The following IRF2 variants were observed in gnomAD, a reference collection of about 807,000 sequenced individuals.
IRF2 encodes the protein interferon regulatory factor 2.
IRF2 carries 15 observed loss-of-function variants against 40.6 expected under a neutral mutation model. The ratio of observed to expected loss-of-function variants is 0.37; its 90% confidence interval spans 0.25 to 0.57. The LOEUF is 0.57. Ranked by LOEUF, IRF2 falls within the 20% of genes least tolerant of loss-of-function variation. IRF2 has a pLI of 0.77. For synonymous variants in IRF2, 151 were observed against 165.5 expected (o/e 0.91, Z 0.67); for missense variants, 317 against 455.7 (o/e 0.70, Z 2.77).
intron 7 of IRF2, among the ~76,000 whole-genome samples, chr4:184,394,619 G>A (rs1460880941): frequency 6.6e-6 from 1 of 152,168 alleles, no homozygotes; most frequent in Non-Finnish European, 1.5e-5. Context: ...GATGGCTGCT[G>A]GTCAGCAGGC....
At chr4:184,457,843 A>G (rs957574017) in intron 1 of IRF2, among the ~76,000 whole-genome samples, 1 of 131,960 alleles carries the variant, frequency 7.6e-6, no homozygotes, top group Non-Finnish European at 1.7e-5. Context: ...ATCCTCAAAA[A>G]CCTTCCAAAA....
In IRF2 at chr4:184,458,967, AT is replaced by A. The variant is rs576699513; in HGVS notation, c.-7+15411del. On this transcript the variant is annotated intron_variant, in intron 1 of 8. Coordinates refer to ENST00000393593, the MANE Select transcript of IRF2 (RefSeq NM_002199.4). The stretch of plus-strand genomic sequence containing the variant: ...TTAACAGATCTGTTATTACGGCAAT[AT>A]TTTTTTTTCATCCACTCAGTAATAC... Among the ~76,000 whole-genome samples, 342 of 147,892 alleles carry A rather than the reference AT, an allele frequency of 2.3e-3. 1 individual carries two copies. The highest frequency in any genetic ancestry group is 8.0e-3 in the African/African-American group (303 of 37,934).
intron 6 of IRF2, among the ~76,000 whole-genome samples, chr4:184,404,674 CG>C (rs1736786164): frequency 6.6e-6 from 1 of 152,178 alleles, no homozygotes; most frequent in Non-Finnish European, 1.5e-5. Context: ...CTTCTAATCT[CG>C]TGCTCTTTCG....
chr4:184,443,761 TA>T (rs1343389562), intron 1 of IRF2, among the ~76,000 whole-genome samples: 9 of 152,194 alleles, frequency 5.9e-5, no homozygotes, highest in African/African-American at 1.9e-4. Context: ...ATGGCAGTTC[TA>T]TTTTTAGTTC....
chr4:184,412,394 G>T (rs1205742279), intron 5 of IRF2, among the ~76,000 whole-genome samples: 2 of 152,154 alleles, frequency 1.3e-5, no homozygotes, highest in Non-Finnish European at 2.9e-5. Context: ...AGCCCATGCT[G>T]TCTCAACCCT....
At chr4:184,440,345 C>T (rs556414159) in intron 1 of IRF2, among the ~76,000 whole-genome samples, 3 of 152,344 alleles carry the variant, frequency 2.0e-5, no homozygotes, top group African/African-American at 7.2e-5. Context: ...CCACATTCCA[C>T]ACAGCGGAGG....
intron 1 of IRF2, among the ~76,000 whole-genome samples, chr4:184,461,306 G>A (rs1561128891): frequency 6.6e-6 from 1 of 152,082 alleles, no homozygotes; most frequent in Non-Finnish European, 1.5e-5. Flanking sequence ...TTAAGAGTCT[G>A]TTTTAAAAAA....
chr4:184,405,489 T>A (rs562578456), intron 6 of IRF2, among the ~76,000 whole-genome samples: 1 of 152,200 alleles, frequency 6.6e-6, no homozygotes, highest in South Asian at 2.1e-4. Context: ...TCGTTCAGAG[T>A]AATTCAAGTT....
intron 1 of IRF2, among the ~76,000 whole-genome samples, chr4:184,462,617 T>G (rs1739184471): frequency 1.3e-5 from 2 of 152,224 alleles, no homozygotes; most frequent in Non-Finnish European, 2.9e-5. Flanking sequence ...ATATAGCTTA[T>G]TTATCCCTAC....
intron 5 of IRF2, among the ~76,000 whole-genome samples, chr4:184,417,904 T>C (rs1178751077): frequency 6.6e-6 from 1 of 152,264 alleles, no homozygotes; most frequent in Non-Finnish European, 1.5e-5. Context: ...GGTGGCCAGA[T>C]GGAGGCCTCA....
chr4:184,389,519 C>T (rs919628954), intron 8 of IRF2, among the ~76,000 whole-genome samples: 1 of 152,226 alleles, frequency 6.6e-6, no homozygotes, highest in Admixed American at 6.5e-5. Flanking sequence ...TGAACAAAGG[C>T]TTAGCACCTC....
At chr4:184,405,680 G>A (rs1411287232) in intron 6 of IRF2, among the ~76,000 whole-genome samples, 1 of 152,140 alleles carries the variant, frequency 6.6e-6, no homozygotes, top group Non-Finnish European at 1.5e-5. Flanking sequence ...GCCAAGGCAG[G>A]CCCACACACA....
At chr4:184,391,606 C>G (rs371754428) in intron 7 of IRF2, among the ~76,000 whole-genome samples, 5 of 152,220 alleles carry the variant, frequency 3.3e-5, no homozygotes, top group African/African-American at 1.2e-4. Context: ...GGACCCTTCC[C>G]CAGTTGAGCC....
chr4:184,460,644 C>T (rs576844172), intron 1 of IRF2, among the ~76,000 whole-genome samples: 6 of 133,926 alleles, frequency 4.5e-5, no homozygotes, highest in Non-Finnish European at 7.9e-5. Context: ...CATGCACGCA[C>T]ACACACACAC....
At chr4:184,410,018 C>T (rs888923869) in intron 5 of IRF2, among the ~76,000 whole-genome samples, 3 of 152,182 alleles carry the variant, frequency 2.0e-5, no homozygotes, top group Admixed American at 6.5e-5. Flanking sequence ...AACCAAACTT[C>T]CGACCCGCTG....
intron 6 of IRF2, among the ~76,000 whole-genome samples, chr4:184,400,748 T>G (rs1374567556): frequency 1.3e-5 from 2 of 152,248 alleles, no homozygotes; most frequent in African/African-American, 4.8e-5. Context: ...TTTATTTATT[T>G]TGGCCATTCT....
chr4:184,408,713 C>T lies in IRF2; in HGVS notation c.412-438G>A, dbSNP rs1240602591. On this transcript the variant is annotated intron_variant, in intron 5 of 8. Transcript: ENST00000393593. This position sits in a 1 kb window ranked among gnomAD's most constrained non-coding sequence, Gnocchi z 4.9. ...TTTCATAATTATTTCTTAGGAAAAGCTCTGCCTCAGTGACTGGCCCAAGAA... is the reference window on the plus strand; with the variant it reads ...TTTCATAATTATTTCTTAGGAAAAGTTCTGCCTCAGTGACTGGCCCAAGAA... Among the ~76,000 whole-genome samples the T allele has an allele frequency of 6.6e-6, 1 of 152,222 alleles. No homozygotes were observed.
At chr4:184,472,857 C>T (rs974498002) in intron 1 of IRF2, among the ~76,000 whole-genome samples, 2 of 152,254 alleles carry the variant, frequency 1.3e-5, no homozygotes, top group African/African-American at 4.8e-5. Flanking sequence ...CCGACCACGG[C>T]TCTGGCGCCC....
intron 6 of IRF2, among the ~76,000 whole-genome samples, chr4:184,401,785 G>A (rs1736675760): frequency 6.6e-6 from 1 of 152,220 alleles, no homozygotes; most frequent in African/African-American, 2.4e-5. Context: ...TGCATACTAA[G>A]GCAGTGAAGG....
Sources: allele counts gnomAD v4.1 joint callset (sites outside exome capture counted in the v4.1 genomes callset), GRCh38; gene constraint gnomAD v4.1.1; non-coding constraint Gnocchi (gnomAD v3.1); transcripts MANE v1.5; gene names NCBI Gene and HGNC (gene_info 2026-07-23, HGNC 2026-07-21).